The following PLXDC2 variants were observed in gnomAD, a reference collection of about 807,000 sequenced individuals.
PLXDC2 encodes plexin domain-containing protein 2.
Under a neutral mutation model 68.9 loss-of-function variants are expected in PLXDC2, and 40 were observed. That is an observed-to-expected ratio of 0.58 (90% CI 0.45 to 0.76). The LOEUF is 0.76. Ranked by LOEUF, PLXDC2 falls within the 30% of genes least tolerant of loss-of-function variation. The pLI is 0.00. For missense variants in PLXDC2, 644 were observed against 661.9 expected, an observed-to-expected ratio of 0.97 and a Z score of 0.30; for synonymous variants, 243 against 234.2, an observed-to-expected ratio of 1.04 and a Z score of -0.34.
At chr10:19,979,661 C>A (rs557684155) in intron 1 of PLXDC2, among the ~76,000 whole-genome samples, 1 of 152,144 alleles carries the variant, frequency 6.6e-6, no homozygotes, top group African/African-American at 2.4e-5. Flanking sequence ...CGTGAGCTCC[C>A]GCACCTTTTT....
At chr10:19,865,858 C>T (rs771626811) in intron 1 of PLXDC2, among the ~76,000 whole-genome samples, 1 of 152,134 alleles carries the variant, frequency 6.6e-6, no homozygotes, top group Non-Finnish European at 1.5e-5. Context: ...TGATGAACAC[C>T]TACAATATGA....
intron 1 of PLXDC2, among the ~76,000 whole-genome samples, chr10:19,820,185 A>G (rs1564598781): frequency 6.6e-6 from 1 of 152,276 alleles, no homozygotes; most frequent in East Asian, 1.9e-4. Context: ...GAATTATTAT[A>G]ATCAGGAGAA....
intron 3 of PLXDC2, among the ~76,000 whole-genome samples, chr10:20,059,876 C>T (rs181208619): frequency 5.4e-4 from 82 of 152,288 alleles, no homozygotes; most frequent in African/African-American, 1.9e-3. Flanking sequence ...GGTCTAGAAG[C>T]AGGATCTTAC....
At chr10:19,975,412 C>T (rs961796276) in intron 1 of PLXDC2, among the ~76,000 whole-genome samples, 3 of 152,170 alleles carry the variant, frequency 2.0e-5, no homozygotes, top group South Asian at 2.1e-4. Context: ...GAGCAGAGAT[C>T]GCGCCTCTGC....
intron 9 of PLXDC2, among the ~76,000 whole-genome samples, chr10:20,178,076 G>A (rs1427049510): frequency 1.3e-5 from 2 of 152,072 alleles, no homozygotes; most frequent in Non-Finnish European, 2.9e-5. Context: ...TATTTTCATA[G>A]CAAGGGTGGT....
chr10:19,861,718 G>T (rs1358897313), intron 1 of PLXDC2, among the ~76,000 whole-genome samples: 1 of 151,982 alleles, frequency 6.6e-6, no homozygotes, highest in Non-Finnish European at 1.5e-5. Flanking sequence ...CAGTCTTTTT[G>T]ACCTTTTCTG....
At chr10:19,831,761 T>C (rs980399563) in intron 1 of PLXDC2, among the ~76,000 whole-genome samples, 5 of 152,178 alleles carry the variant, frequency 3.3e-5, no homozygotes. Flanking sequence ...ATGATCTCAT[T>C]CTTTTTTGTG....
intron 1 of PLXDC2, among the ~76,000 whole-genome samples, chr10:19,828,409 T>G (rs977676091): frequency 4.6e-5 from 7 of 152,202 alleles, no homozygotes; most frequent in Non-Finnish European, 1.0e-4. Context: ...GGGTACAATT[T>G]TGTTGTTTGA....
chr10:19,976,803 T>A (rs1285754118), intron 1 of PLXDC2, among the ~76,000 whole-genome samples: 1 of 151,986 alleles, frequency 6.6e-6, no homozygotes, highest in African/African-American at 2.4e-5. Flanking sequence ...CCTTCTGGAA[T>A]AATATTTTCT....
At chr10:20,193,053 C>G (rs889692311) in intron 9 of PLXDC2, among the ~76,000 whole-genome samples, 7 of 152,162 alleles carry the variant, frequency 4.6e-5, no homozygotes, top group East Asian at 1.9e-4. Context: ...ATATGGCCCC[C>G]TTCCCTAGAA....
At chr10:20,209,749 G>A (rs1185337668) in intron 9 of PLXDC2, among the ~76,000 whole-genome samples, 1 of 152,052 alleles carries the variant, frequency 6.6e-6, no homozygotes, top group Non-Finnish European at 1.5e-5. Context: ...AGTTAATGCA[G>A]TCATCACAGG....
At position 19,938,899 on chromosome 10, in the gene PLXDC2, AG is replaced by A. The variant is rs1833771275; in HGVS notation, c.113-62875del. On this transcript the variant is annotated intron_variant, in intron 1 of 13. Coordinates refer to ENST00000377252, the MANE Select transcript of PLXDC2 (RefSeq NM_032812.9). ...AAACAATCTGTAAGTAGTCTGTTGC[AG>A]TAGTCCAGAAAAAAATGTAATGATG... 3.3e-5 allele frequency among the ~76,000 whole-genome samples: 5 copies of A among 152,328 alleles called. No individual in the cohort carries two copies. The South Asian group carries it at 1.0e-3, about 32-fold the overall frequency.
rs188567453 is a variant in PLXDC2, at chr10:20,085,649, G to A, written c.541+17410G>A. 2.4e-4 allele frequency among the ~76,000 whole-genome samples: 36 copies of A among 152,090 alleles called. No individual in the cohort carries two copies. In the East Asian group the frequency reaches 5.2e-3, roughly 22 times the overall value. ...ACATGGGAAAGTGATATGGATATGCGGACCCAAAGCCCATCTAAGTACCTC... is the reference window on the plus strand; with the variant it reads ...ACATGGGAAAGTGATATGGATATGCAGACCCAAAGCCCATCTAAGTACCTC... On this transcript the variant is annotated intron_variant, in intron 4 of 13. Transcript: ENST00000377252.
At chr10:19,922,518 G>A (rs1379020883) in intron 1 of PLXDC2, among the ~76,000 whole-genome samples, 1 of 152,118 alleles carries the variant, frequency 6.6e-6, no homozygotes, top group Non-Finnish European at 1.5e-5. Flanking sequence ...CTTGACTTTA[G>A]CCTTTTGGAG....
chr10:19,830,872 A>T (rs1042417577), intron 1 of PLXDC2, among the ~76,000 whole-genome samples: 2 of 152,214 alleles, frequency 1.3e-5, no homozygotes, highest in African/African-American at 4.8e-5. Flanking sequence ...CTTGCTGCTG[A>T]AAGAGTCTTG....
chr10:19,843,720 G>A (rs1836948007), intron 1 of PLXDC2, among the ~76,000 whole-genome samples: 1 of 152,300 alleles, frequency 6.6e-6, no homozygotes, highest in Non-Finnish European at 1.5e-5. Flanking sequence ...CTAAAAAAAT[G>A]TGATCTCCTG....
At chr10:19,887,170 C>T (rs1051420281) in intron 1 of PLXDC2, among the ~76,000 whole-genome samples, 2 of 152,108 alleles carry the variant, frequency 1.3e-5, no homozygotes, top group African/African-American at 2.4e-5. Flanking sequence ...TTTCTGTACA[C>T]TAGAGTATGG....
rs1280500706 is a variant in PLXDC2, at chr10:20,288,740, T to A, written c.*8921T>A. 6.6e-6 allele frequency: 1 copy of A among 152,232 alleles called. No homozygotes were observed. Among genetic ancestry groups the A allele is most frequent in the African/African-American group, 2.4e-5 (1 of 41,460 alleles). 9.4% of individuals were successfully genotyped at this position (152,232 alleles called of 1,614,324 possible). On this transcript the variant is annotated 3_prime_UTR_variant, in exon 14 of 14. Coordinates refer to ENST00000377252, the MANE Select transcript of PLXDC2 (RefSeq NM_032812.9). ...TTCTTAAACCAAGTTTCTCTGCAGC[T>A]CTTTCGGTTCTGCTTACAGTGTGTG...
chr10:19,922,047 C>G (rs947022250), intron 1 of PLXDC2, among the ~76,000 whole-genome samples: 2 of 151,942 alleles, frequency 1.3e-5, no homozygotes, highest in East Asian at 3.9e-4. Context: ...TTAGTAGAGA[C>G]GAGGTTTCAC....
Sources: gnomAD v4.1 joint callset for allele counts (sites outside exome capture counted in the v4.1 genomes callset) on GRCh38, gnomAD v4.1.1 for gene constraint, MANE v1.5 for transcripts, NCBI Gene and HGNC (gene_info 2026-07-23, HGNC 2026-07-21) for gene names.